The following ERC2 variants were observed in gnomAD, a reference collection of about 807,000 sequenced individuals.
ERC2 encodes the protein ELKS/RAB6-interacting/CAST family member 2.
In ERC2, 42 loss-of-function variants were observed where a neutral mutation model predicts 114.8. That is an observed-to-expected ratio of 0.37 (90% CI 0.29 to 0.47). The LOEUF (loss-of-function observed/expected upper bound fraction) is 0.47. ERC2 is among the 20% of genes least tolerant of loss of function. The pLI, the probability that ERC2 is intolerant of heterozygous loss-of-function variation, is 0.99. For missense variants in ERC2, 939 were observed against 1,150.7 expected (o/e 0.82, Z 2.66); for synonymous variants, 454 against 425.5 (o/e 1.07, Z -0.82).
intron 17 of ERC2, among the ~76,000 whole-genome samples, chr3:55,545,684 C>T (rs1006618060): frequency 6.6e-6 from 1 of 152,132 alleles, no homozygotes; most frequent in African/African-American, 2.4e-5. Flanking sequence ...ACAGAGTACA[C>T]CAACACTGCA....
chr3:56,302,438 T>C (rs924011508), intron 2 of ERC2, among the ~76,000 whole-genome samples: 2 of 152,208 alleles, frequency 1.3e-5, no homozygotes, highest in African/African-American at 2.4e-5. Context: ...TAAGACTTCT[T>C]TTCTAAGTAC....
intron 6 of ERC2, among the ~76,000 whole-genome samples, chr3:56,106,447 A>G (rs1004746392): frequency 2.0e-5 from 3 of 152,190 alleles, no homozygotes; most frequent in African/African-American, 7.2e-5. Context: ...AAGTGTGTTT[A>G]TTCTTCACTG....
At chr3:55,532,279 T>C (rs1224895135) in intron 17 of ERC2, among the ~76,000 whole-genome samples, 1 of 152,224 alleles carries the variant, frequency 6.6e-6, no homozygotes, top group Non-Finnish European at 1.5e-5. Context: ...AACGTTTCAC[T>C]GCCTTGATCA....
intron 14 of ERC2, among the ~76,000 whole-genome samples, chr3:55,749,033 C>T (rs1213588158): frequency 6.6e-6 from 1 of 152,144 alleles, no homozygotes; most frequent in Admixed American, 6.5e-5. Context: ...GTAATTCCCT[C>T]TCCACAATAT....
chr3:55,752,006 T>C (rs2066734448), intron 14 of ERC2, among the ~76,000 whole-genome samples: 1 of 152,204 alleles, frequency 6.6e-6, no homozygotes, highest in African/African-American at 2.4e-5. Flanking sequence ...AGAAAGTTGC[T>C]CCAGTACCCT....
chr3:55,656,197 T>C (rs2060857600), intron 17 of ERC2, among the ~76,000 whole-genome samples: 1 of 152,174 alleles, frequency 6.6e-6, no homozygotes, highest in African/African-American at 2.4e-5. Context: ...TGAAATGCAG[T>C]GGTGCAATCA....
chr3:56,209,310 T>C (rs768959321), intron 3 of ERC2, among the ~76,000 whole-genome samples: 10 of 152,162 alleles, frequency 6.6e-5, no homozygotes, highest in Non-Finnish European at 1.0e-4. Context: ...TATTCAGGCC[T>C]TCAAGATGCC....
intron 1 of ERC2, among the ~76,000 whole-genome samples, chr3:56,463,016 C>T (rs1420900326): frequency 6.6e-6 from 1 of 152,164 alleles, no homozygotes; most frequent in East Asian, 1.9e-4. Context: ...CACTTGAGCT[C>T]GGGAGTTCAA....
chr3:56,122,976 A>G (rs2079663320), intron 6 of ERC2, among the ~76,000 whole-genome samples: 1 of 152,140 alleles, frequency 6.6e-6, no homozygotes, highest in African/African-American at 2.4e-5. Context: ...CCACCCCAAG[A>G]AAACACAAAG....
intron 2 of ERC2, among the ~76,000 whole-genome samples, chr3:56,330,754 T>A (rs1036039141): frequency 2.6e-5 from 4 of 152,084 alleles, no homozygotes; most frequent in Admixed American, 1.3e-4. Flanking sequence ...CCAAAAAAAA[T>A]TAAAATCTGA....
intron 2 of ERC2, among the ~76,000 whole-genome samples, chr3:56,382,401 T>C (rs1289504986): frequency 1.3e-5 from 2 of 152,162 alleles, no homozygotes; most frequent in Non-Finnish European, 2.9e-5. Context: ...CCATTCTTTA[T>C]AGCAAAACTT....
chr3:56,306,903 C>T (rs1041920916), intron 2 of ERC2, among the ~76,000 whole-genome samples: 1 of 152,182 alleles, frequency 6.6e-6, no homozygotes. Context: ...TACCTTACGT[C>T]ACAGAGTACA....
intron 3 of ERC2, among the ~76,000 whole-genome samples, chr3:56,270,252 G>A (rs2053576046): frequency 6.6e-6 from 1 of 151,692 alleles, no homozygotes; most frequent in African/African-American, 2.4e-5. Flanking sequence ...TTGAACAACT[G>A]CCAGGCCTAC....
At chr3:56,310,609 T>C (rs2056479990) in intron 2 of ERC2, among the ~76,000 whole-genome samples, 1 of 135,794 alleles carries the variant, frequency 7.4e-6, no homozygotes. Context: ...TAGTCCTTGC[T>C]ACTTTAAAGT....
In ERC2 at chr3:55,675,903, C is replaced by CTTT. The variant is rs869296098; in HGVS notation, c.*39+7888_*39+7890dup. ...TTCCATCTTTCTTTCTCTTTTCTTT[C>CTTT]TTTTTTTTTTTTTTTTTTTTTTTTT... On this transcript the variant is annotated intron_variant, in intron 17 of 17. Transcript: ENST00000288221. 4.1e-3 allele frequency among the ~76,000 whole-genome samples: 195 copies of CTTT among 47,940 alleles called. 5 individuals are homozygous for CTTT. Among genetic ancestry groups the CTTT allele is most frequent in the African/African-American group, 8.3e-3 (87 of 10,532 alleles). 31.5% of individuals were successfully genotyped at this position (47,940 alleles called of 152,430 possible). A position where few individuals can be genotyped will look rare whatever the true frequency, so the allele number is the denominator to read the frequency against.
intron 12 of ERC2, among the ~76,000 whole-genome samples, chr3:55,975,050 C>T (rs1447142418): frequency 6.6e-6 from 1 of 152,032 alleles, no homozygotes; most frequent in Non-Finnish European, 1.5e-5. Context: ...GCCCTGGAAC[C>T]GAAATGGCTA....
chr3:56,020,053 A>G (rs1481960528), intron 7 of ERC2, among the ~76,000 whole-genome samples: 1 of 152,152 alleles, frequency 6.6e-6, no homozygotes, highest in African/African-American at 2.4e-5. Flanking sequence ...CTGGAATGGT[A>G]ATCCAAATAA....
intron 2 of ERC2, among the ~76,000 whole-genome samples, chr3:56,427,979 GA>G (rs2061635851): frequency 6.6e-6 from 1 of 152,112 alleles, no homozygotes; most frequent in Non-Finnish European, 1.5e-5. Context: ...AATCCGTTTT[GA>G]AAAGTGTTAT....
intron 14 of ERC2, among the ~76,000 whole-genome samples, chr3:55,887,182 C>T (rs1157768471): frequency 6.6e-6 from 1 of 152,168 alleles, no homozygotes; most frequent in Non-Finnish European, 1.5e-5. Flanking sequence ...TCAGCTCCCT[C>T]ACCTCTGAAC....
Sources: gnomAD v4.1 joint callset for allele counts (sites outside exome capture counted in the v4.1 genomes callset) on GRCh38, gnomAD v4.1.1 for gene constraint, MANE v1.5 for transcripts, NCBI Gene and HGNC (gene_info 2026-07-23, HGNC 2026-07-21) for gene names.